The following CPVL variants were observed in gnomAD, a reference collection of about 807,000 sequenced individuals.
CPVL encodes the protein carboxypeptidase vitellogenic like, also known as probable serine carboxypeptidase CPVL.
In CPVL, 51 loss-of-function variants were observed where a neutral mutation model predicts 63.7. That is an observed-to-expected ratio of 0.80 (90% CI 0.64 to 1.01). CPVL has a LOEUF of 1.01. Ranked by LOEUF, CPVL falls within the 50% of genes least tolerant of loss-of-function variation. CPVL has a pLI of 0.00. For missense variants in CPVL, 530 were observed against 573.1 expected (o/e 0.92, Z 0.77); for synonymous variants, 195 against 206.0 (o/e 0.95, Z 0.46).
intron 11 of CPVL, among the ~76,000 whole-genome samples, chr7:29,063,181 G>A (rs1425286367): frequency 6.6e-6 from 1 of 152,100 alleles, no homozygotes; most frequent in Non-Finnish European, 1.5e-5. Context: ...CTCTCCACTG[G>A]CACCTCCACT....
intron 12 of CPVL, among the ~76,000 whole-genome samples, chr7:29,028,747 C>T (rs1472797024): frequency 7.2e-5 from 11 of 152,038 alleles, no homozygotes; most frequent in African/African-American, 1.7e-4. Context: ...GGGCAGATCA[C>T]GAGGTCAGGA....
intron 11 of CPVL, among the ~76,000 whole-genome samples, chr7:29,040,240 T>C (rs1788938012): frequency 6.6e-6 from 1 of 152,230 alleles, no homozygotes; most frequent in Non-Finnish European, 1.5e-5. Context: ...GCAATTAGCA[T>C]GTCCCACCAG....
intron 12 of CPVL, among the ~76,000 whole-genome samples, chr7:29,007,040 T>C (rs1785265106): frequency 6.6e-6 from 1 of 152,228 alleles, no homozygotes; most frequent in African/African-American, 2.4e-5. Flanking sequence ...TCAAATATCA[T>C]TCTCCATGTG....
At chr7:29,053,398 G>A (rs1459519299) in intron 11 of CPVL, among the ~76,000 whole-genome samples, 1 of 152,090 alleles carries the variant, frequency 6.6e-6, no homozygotes, top group Admixed American at 6.5e-5. Flanking sequence ...CCATACATAG[G>A]AATATTATTT....
chr7:29,092,532 CA>C, intron 6 of CPVL, 90 bp downstream of exon 6: 1 of 836,254 alleles, frequency 1.2e-6, no homozygotes, highest in Non-Finnish European at 2.0e-6. Context: ...AAGGCTCAGT[CA>C]ATAAAAATTC....
intron 5 of CPVL, among the ~76,000 whole-genome samples, chr7:29,165,773 G>T (rs1359863668): frequency 6.6e-6 from 1 of 151,810 alleles, no homozygotes; most frequent in East Asian, 1.9e-4. Context: ...TTTGTCATAT[G>T]CTTTTCTGCA....
chr7:29,142,418 T>C (rs952395186), intron 1 of CPVL, among the ~76,000 whole-genome samples: 2 of 152,140 alleles, frequency 1.3e-5, no homozygotes, highest in East Asian at 1.9e-4. Flanking sequence ...GTATCACCAC[T>C]GTCAGCTGTC....
At chr7:29,190,727 G>GTGT (rs1228948139) in intron 1 of CPVL, among the ~76,000 whole-genome samples, 1 of 152,164 alleles carries the variant, frequency 6.6e-6, no homozygotes, top group East Asian at 1.9e-4. Context: ...TGCTGCAGAT[G>GTGT]TGTTGTTACT....
intron 3 of CPVL, among the ~76,000 whole-genome samples, chr7:29,100,054 C>T (rs2128616823): frequency 6.6e-6 from 1 of 152,316 alleles, no homozygotes; most frequent in South Asian, 2.1e-4. Context: ...CTCAGATCCA[C>T]TCACCAGTAC....
At chr7:29,147,242 A>C, upstream of CPVL, 1 of 403,786 alleles carries the variant, frequency 2.5e-6, no homozygotes, top group African/African-American at 2.0e-5. Context: ...AACACAAAAT[A>C]AAGGAGGGTC....
At chr7:29,052,917 A>G (rs1186045461) in intron 11 of CPVL, among the ~76,000 whole-genome samples, 1 of 152,138 alleles carries the variant, frequency 6.6e-6, no homozygotes, top group East Asian at 1.9e-4. Context: ...TCAAACAAAC[A>G]AACAAACAAA....
chr7:29,001,081 G>C (rs1379444716), intron 12 of CPVL: 1 of 152,222 alleles, frequency 6.6e-6, no homozygotes, highest in African/African-American at 2.4e-5. Context: ...CTCATGGGAG[G>C]GATGGGGAGA....
intron 1 of CPVL, chr7:29,194,178 A>T (rs1003583928): frequency 2.8e-5 from 1 of 36,276 alleles, no homozygotes; most frequent in East Asian, 5.7e-4. Flanking sequence ...GGTGAGCCCC[A>T]CCACCTTCCC....
intron 7 of CPVL, chr7:29,080,219 T>C (rs1784571766): frequency 6.6e-6 from 1 of 152,148 alleles, no homozygotes; most frequent in Non-Finnish European, 1.5e-5. Context: ...TGTTTGTCTA[T>C]GTAACAAACC....
At chr7:29,136,620 G>C (rs1025595930) in intron 1 of CPVL, among the ~76,000 whole-genome samples, 1 of 152,176 alleles carries the variant, frequency 6.6e-6, no homozygotes, top group Non-Finnish European at 1.5e-5. Context: ...AGAACAGACA[G>C]GTAAAAGTAT....
chr7:29,079,729 T>C (rs997266970), intron 7 of CPVL, among the ~76,000 whole-genome samples: 2 of 152,224 alleles, frequency 1.3e-5, no homozygotes, highest in African/African-American at 2.4e-5. Flanking sequence ...CTAATAATTA[T>C]AAGCCTACTT....
chr7:29,042,700 A>T (rs1236468863), intron 11 of CPVL, among the ~76,000 whole-genome samples: 1 of 152,232 alleles, frequency 6.6e-6, no homozygotes, highest in Non-Finnish European at 1.5e-5. Context: ...GGAAAAAATA[A>T]AACAGGAAAG....
At chr7:29,100,630 C>T (rs1031141286) in intron 3 of CPVL, among the ~76,000 whole-genome samples, 1 of 152,172 alleles carries the variant, frequency 6.6e-6, no homozygotes, top group Admixed American at 6.5e-5. Flanking sequence ...TCAAGTCAAA[C>T]ACCTCAGTGC....
intron 11 of CPVL, among the ~76,000 whole-genome samples, chr7:29,042,828 G>A (rs150851688): frequency 1.3e-5 from 2 of 152,308 alleles, no homozygotes; most frequent in South Asian, 2.1e-4. Flanking sequence ...CCTGCAAAAA[G>A]CATTAACCTA....
Sources: gnomAD v4.1 joint callset for allele counts (sites outside exome capture counted in the v4.1 genomes callset) on GRCh38, gnomAD v4.1.1 for gene constraint, MANE v1.5 for transcripts, NCBI Gene and HGNC (gene_info 2026-07-23, HGNC 2026-07-21) for gene names.